The following RUNDC3B variants were observed in gnomAD, a reference collection of about 807,000 sequenced individuals.
RUNDC3B encodes the protein RUN domain-containing protein 3B.
RUNDC3B carries 33 observed loss-of-function variants against 58.4 expected under a neutral mutation model. The observed-to-expected ratio is 0.56, with a 90% CI of 0.43 to 0.75. RUNDC3B has a LOEUF of 0.75. Ranked by LOEUF, RUNDC3B falls within the 30% of genes least tolerant of loss-of-function variation. The probability of loss-of-function intolerance (pLI) is 0.00; values close to 1 mark genes in which losing one functional copy is unlikely to be tolerated. For synonymous variants in RUNDC3B, 193 were observed against 195.2 expected (o/e 0.99, Z 0.10); for missense variants, 501 against 535.7 (o/e 0.94, Z 0.64).
At chr7:87,729,831 A>C (rs529985428) in intron 4 of RUNDC3B, among the ~76,000 whole-genome samples, 1 of 152,238 alleles carries the variant, frequency 6.6e-6, no homozygotes, top group South Asian at 2.1e-4. Context: ...CCCTCCACCT[A>C]AGGAGAGGAG....
intron 4 of RUNDC3B, among the ~76,000 whole-genome samples, chr7:87,715,352 T>TATATAATTAATTTATAATAATTAC (rs1830481130): frequency 8.4e-6 from 1 of 118,804 alleles, no homozygotes; most frequent in Non-Finnish European, 1.6e-5. Context: ...ATAATAATTA[T>TATATAATTAATTTATAATAATTAC]ATATAATTAA....
At chr7:87,793,124 A>T (rs1427165442) in intron 8 of RUNDC3B, among the ~76,000 whole-genome samples, 1 of 152,168 alleles carries the variant, frequency 6.6e-6, no homozygotes, top group African/African-American at 2.4e-5. Flanking sequence ...CTAGTCACTT[A>T]CAACCTACCA....
intron 4 of RUNDC3B, among the ~76,000 whole-genome samples, chr7:87,737,951 AT>A (rs1273578783): frequency 6.6e-6 from 1 of 152,046 alleles, no homozygotes; most frequent in Non-Finnish European, 1.5e-5. Context: ...AAACCAGTTA[AT>A]TTTTTGCCGT....
intron 2 of RUNDC3B, among the ~76,000 whole-genome samples, chr7:87,683,405 G>T (rs1827128082): frequency 6.6e-6 from 1 of 152,148 alleles, no homozygotes; most frequent in Non-Finnish European, 1.5e-5. Context: ...TTTTTGACAT[G>T]CCTTCCTCAA....
chr7:87,685,942 A>G (rs1296995470), intron 2 of RUNDC3B, among the ~76,000 whole-genome samples: 2 of 152,270 alleles, frequency 1.3e-5, no homozygotes, highest in Admixed American at 6.5e-5. Flanking sequence ...AAGCTGGACA[A>G]TTTGTCACAG....
intron 2 of RUNDC3B, among the ~76,000 whole-genome samples, chr7:87,671,510 C>A (rs1825821099): frequency 6.6e-6 from 1 of 152,122 alleles, no homozygotes; most frequent in South Asian, 2.1e-4. Flanking sequence ...TGCTCCAGTA[C>A]CTGGTTGCCT....
At chr7:87,749,418 G>T (rs908359613) in intron 6 of RUNDC3B, among the ~76,000 whole-genome samples, 1 of 152,012 alleles carries the variant, frequency 6.6e-6, no homozygotes. Flanking sequence ...TTTATAAAAT[G>T]AAGAATTTCT....
intron 4 of RUNDC3B, among the ~76,000 whole-genome samples, chr7:87,716,041 T>C (rs1830536639): frequency 6.6e-6 from 1 of 152,128 alleles, no homozygotes; most frequent in Non-Finnish European, 1.5e-5. Flanking sequence ...GAATACTTGC[T>C]AGAAGTGCCA....
chr7:87,680,380 G>A (rs769574717), intron 2 of RUNDC3B, among the ~76,000 whole-genome samples: 4 of 150,656 alleles, frequency 2.7e-5, no homozygotes, highest in Non-Finnish European at 4.4e-5. Flanking sequence ...AAACTAAAAC[G>A]CGTTGTATCA....
rs149852180 is a variant in RUNDC3B at position 87,771,782 on chromosome 7, A to G, written c.798+1033A>G. On this transcript the variant is annotated intron_variant, in intron 7 of 10. Transcript: ENST00000394654. ...GTCATTCAAGGTGGAAATTGAACCT[A>G]GAATGTAGGAGTGAGGTGCAAAATG... Among the ~76,000 whole-genome samples the G allele has an allele frequency of 3.1e-3, 472 of 152,328 alleles. 4 individuals carry two copies. Among genetic ancestry groups the G allele is most frequent in the African/African-American group, 0.011 (447 of 41,576 alleles).
intron 6 of RUNDC3B, among the ~76,000 whole-genome samples, chr7:87,744,789 A>G (rs1470728563): frequency 6.6e-6 from 1 of 151,428 alleles, no homozygotes; most frequent in Non-Finnish European, 1.5e-5. Context: ...CTTTCTCTTT[A>G]CCGATGTGGA....
intron 8 of RUNDC3B, among the ~76,000 whole-genome samples, chr7:87,789,088 ATC>A (rs1385497312): frequency 6.6e-6 from 1 of 152,210 alleles, no homozygotes; most frequent in East Asian, 1.9e-4. Context: ...CAGATAGATG[ATC>A]TATTGTACAA....
intron 8 of RUNDC3B, among the ~76,000 whole-genome samples, chr7:87,781,740 A>C (rs1834935166): frequency 6.6e-6 from 1 of 152,048 alleles, no homozygotes; most frequent in Non-Finnish European, 1.5e-5. Context: ...TATTGATATG[A>C]TCATACGGTT....
chr7:87,800,111 T>G (rs1434438150), intron 8 of RUNDC3B, among the ~76,000 whole-genome samples: 1 of 152,170 alleles, frequency 6.6e-6, no homozygotes, highest in Admixed American at 6.5e-5. Context: ...TTGGAATATT[T>G]GGAACCACAG....
intron 2 of RUNDC3B, among the ~76,000 whole-genome samples, chr7:87,697,062 A>C (rs554681116): frequency 2.6e-5 from 4 of 152,330 alleles, no homozygotes; most frequent in African/African-American, 9.6e-5. Flanking sequence ...ACCTGAAACT[A>C]AAGAGAAGAT....
At chr7:87,724,266 G>T (rs1831084944) in intron 4 of RUNDC3B, among the ~76,000 whole-genome samples, 1 of 152,080 alleles carries the variant, frequency 6.6e-6, no homozygotes, top group Non-Finnish European at 1.5e-5. Context: ...GGGATACCAA[G>T]AACTCTTTGC....
intron 1 of RUNDC3B, among the ~76,000 whole-genome samples, chr7:87,637,843 C>T (rs1175707105): frequency 6.6e-6 from 1 of 151,966 alleles, no homozygotes; most frequent in African/African-American, 2.4e-5. Context: ...AGTGCACAGT[C>T]ATGTCATTTG....
At chr7:87,630,308 C>T (rs1821085071) in intron 1 of RUNDC3B, among the ~76,000 whole-genome samples, 1 of 152,130 alleles carries the variant, frequency 6.6e-6, no homozygotes, top group Non-Finnish European at 1.5e-5. Flanking sequence ...TGAATTATTA[C>T]AAATGTTTAT....
At chr7:87,682,624 T>C (rs558682957) in intron 2 of RUNDC3B, among the ~76,000 whole-genome samples, 35 of 152,314 alleles carry the variant, frequency 2.3e-4, no homozygotes, top group African/African-American at 7.7e-4. Context: ...AAGGAATCTT[T>C]TTTCTGAGTA....
Sources: allele counts gnomAD v4.1 joint callset (sites outside exome capture counted in the v4.1 genomes callset), GRCh38; gene constraint gnomAD v4.1.1; transcripts MANE v1.5; gene names NCBI Gene and HGNC (gene_info 2026-07-23, HGNC 2026-07-21).